Variants in TRAF2 observed in about 807,000 individuals in gnomAD.
TRAF2 encodes TNF receptor associated factor 2.
TRAF2 carries 6 observed loss-of-function variants against 55.6 expected under a neutral mutation model. That is an observed-to-expected ratio of 0.11 (90% CI 0.06 to 0.21). TRAF2 has a LOEUF of 0.21. TRAF2 is among the 10% of genes least tolerant of loss of function. The probability of loss-of-function intolerance (pLI) is 1.00; values close to 1 mark genes in which losing one functional copy is unlikely to be tolerated. For synonymous variants in TRAF2, 329 were observed against 276.3 expected, an observed-to-expected ratio of 1.19 and a Z score of -1.89; for missense variants, 561 against 684.5, an observed-to-expected ratio of 0.82 and a Z score of 2.01.
intron 6 of TRAF2, among the ~76,000 whole-genome samples, chr9:136,912,791 C>T (rs558072673): frequency 2.0e-5 from 3 of 152,126 alleles, no homozygotes; most frequent in East Asian, 1.9e-4. Flanking sequence ...GAGCTGAGAT[C>T]GCACCACTGC....
Position 136,898,748 on chromosome 9 carries a change from C to T in TRAF2, c.8C>T (p.Ala3Val), listed in dbSNP as rs369489108. ...GCGGGGGTCACAGCTCTCATGGCTG[C>T]AGCTAGCGTGACCCCCCCTGGCTCC... is the stretch of plus-strand genomic sequence containing the variant. MA[A>V]ASVTPPGSLE... The change falls in exon 2 of 11, where the codon GCA (alanine) becomes GTA (valine). Residue 3 changes from alanine to valine, a missense_variant. Transcript: ENST00000247668. 75 of 1,613,264 alleles carry T rather than the reference C, an allele frequency of 4.6e-5. No homozygotes were observed. Among genetic ancestry groups the T allele is most frequent in the Admixed American group, 8.3e-5 (5 of 59,998 alleles).
At chr9:136,895,845 T>A (rs1849667850) in intron 1 of TRAF2, among the ~76,000 whole-genome samples, 1 of 77,194 alleles carries the variant, frequency 1.3e-5, no homozygotes, top group Admixed American at 1.1e-4. Context: ...AAGACTCTGT[T>A]TAAGGAAAAA....
chr9:136,895,599 A>T (rs1388273060), intron 1 of TRAF2, among the ~76,000 whole-genome samples: 1 of 152,190 alleles, frequency 6.6e-6, no homozygotes, highest in Non-Finnish European at 1.5e-5. Context: ...TCCTACCTGG[A>T]ATCCCAGCAC....
intron 6 of TRAF2, chr9:136,910,195 C>T (rs933859130): frequency 3.3e-6 from 2 of 614,804 alleles, no homozygotes; most frequent in Admixed American, 5.4e-5. Context: ...GTGGCTGAGT[C>T]CCGAGCCCTC....
At chr9:136,900,626 G>T in intron 4 of TRAF2, 106 bp downstream of exon 4, 1 of 879,870 alleles carries the variant, frequency 1.1e-6, no homozygotes. Flanking sequence ...TCTCACTGGG[G>T]CTGAAGCCTG....
At chr9:136,921,948 A>G (rs912094575) in intron 9 of TRAF2, among the ~76,000 whole-genome samples, 2 of 152,234 alleles carry the variant, frequency 1.3e-5, no homozygotes, top group South Asian at 2.1e-4. Context: ...CTTTGTTGCC[A>G]TGGCTCAGAA....
intron 10 of TRAF2, among the ~76,000 whole-genome samples, chr9:136,924,405 T>C (rs1201440300): frequency 6.9e-6 from 1 of 144,780 alleles, no homozygotes; most frequent in Non-Finnish European, 1.5e-5. Context: ...ACAAAAAAAA[T>C]AGAAAAATTA....
At chr9:136,897,343 G>A (rs1333171043) in intron 1 of TRAF2, among the ~76,000 whole-genome samples, 2 of 152,260 alleles carry the variant, frequency 1.3e-5, no homozygotes, top group South Asian at 2.1e-4. Context: ...CGCTGAGGCC[G>A]TCTGTGGCTG....
rs761646061 is a variant in TRAF2 at position 136,920,230 on chromosome 9, G to T, written c.679-4G>T. ...CCAGCAGCCTCCCTGCCCTGTGTCCGCAGGTAGAGGGTGAGAAACAGCAGG... is the reference window on the plus strand; with the variant it reads ...CCAGCAGCCTCCCTGCCCTGTGTCCTCAGGTAGAGGGTGAGAAACAGCAGG... On this transcript the variant is annotated splice_region_variant and splice_polypyrimidine_tract_variant and intron_variant, in intron 7 of 10. Coordinates refer to ENST00000247668, the MANE Select transcript of TRAF2 (RefSeq NM_021138.4). 4 of 1,602,230 alleles carry T rather than the reference G, an allele frequency of 2.5e-6. No homozygotes were observed. Among genetic ancestry groups the T allele is most frequent in the Non-Finnish European group, 2.6e-6 (3 of 1,173,428 alleles).
intron 1 of TRAF2, among the ~76,000 whole-genome samples, chr9:136,891,247 T>C (rs1849574809): frequency 6.6e-6 from 1 of 152,140 alleles, no homozygotes; most frequent in Non-Finnish European, 1.5e-5. Context: ...TAGCTGGGCT[T>C]ACAGGCTTGC....
At chr9:136,886,563 G>A in intron 1 of TRAF2, 22 bp downstream of exon 1, 2 of 984,058 alleles carry the variant, frequency 2.0e-6, no homozygotes, top group Non-Finnish European at 2.4e-6. Flanking sequence ...GCGGGGTCGG[G>A]TGCGGGGTCG....
chr9:136,909,162 C>T (rs547143815), intron 5 of TRAF2, among the ~76,000 whole-genome samples: 15 of 151,422 alleles, frequency 9.9e-5, no homozygotes, highest in African/African-American at 3.2e-4. Flanking sequence ...CGTCCGTCCT[C>T]GCCAGGCCTG....
chr9:136,913,295 ATTTTTTTTT>A (rs369765173), intron 6 of TRAF2, among the ~76,000 whole-genome samples: 13 of 87,092 alleles, frequency 1.5e-4, no homozygotes, highest in South Asian at 1.4e-3. Context: ...TTATAAAGGA[ATTTTTTTTT>A]TTTTTTTTTT....
At chr9:136,912,278 C>T (rs1042861220) in intron 6 of TRAF2, among the ~76,000 whole-genome samples, 2 of 150,958 alleles carry the variant, frequency 1.3e-5, no homozygotes, top group African/African-American at 4.9e-5. Context: ...TTCTCTGCCT[C>T]AGCCTCCTGA....
chr9:136,904,970 G>A (rs1207375237), intron 4 of TRAF2, among the ~76,000 whole-genome samples: 1 of 152,228 alleles, frequency 6.6e-6, no homozygotes, highest in Non-Finnish European at 1.5e-5. Flanking sequence ...CTGGGCCCAT[G>A]TTCCCTGGGG....
chr9:136,912,258 G>C (rs1014709025), intron 6 of TRAF2, among the ~76,000 whole-genome samples: 5 of 146,154 alleles, frequency 3.4e-5, no homozygotes, highest in Non-Finnish European at 7.4e-5. Flanking sequence ...TGCCTCCTGG[G>C]TTCAAGCAGT....
Position 136,909,806 on chromosome 9 carries a change from G to A in TRAF2, c.529-114G>A, listed in dbSNP as rs1850057363. Reference sequence around the variant, plus strand: ...GCACTGTCCTTCGAGGCTGGAGGGTGACCACGTGCTCCTGCGGCCCCTCGG... The same window carrying A: ...GCACTGTCCTTCGAGGCTGGAGGGTAACCACGTGCTCCTGCGGCCCCTCGG... On this transcript the variant is annotated intron_variant, in intron 5 of 10. Transcript: ENST00000247668. 6 of 1,032,380 alleles carry A rather than the reference G, an allele frequency of 5.8e-6. No homozygotes were observed. In the Admixed American group the frequency reaches 9.9e-5, roughly 17 times the overall value. 64.0% of individuals were successfully genotyped at this position (1,032,380 alleles called of 1,614,324 possible).
Position 136,909,906 on chromosome 9 carries a change from C to T in TRAF2, c.529-14C>T, listed in dbSNP as rs950200035. 5.0e-6 allele frequency: 8 copies of T among 1,614,070 alleles called. No homozygotes were observed. The highest frequency in any genetic ancestry group is 2.2e-5 in the East Asian group (1 of 44,888). On this transcript the variant is annotated splice_polypyrimidine_tract_variant and intron_variant, in intron 5 of 10. Transcript: ENST00000247668. ...TGGCGTCCACCCTCACACTCCTGAT[C>T]CCTTCTTTTGAAGGCGCACCACGAG...
intron 6 of TRAF2, among the ~76,000 whole-genome samples, chr9:136,915,192 T>A (rs1030024044): frequency 1.1e-4 from 17 of 152,168 alleles, no homozygotes; most frequent in African/African-American, 4.1e-4. Flanking sequence ...AAAAAAGTTT[T>A]GTAATTTTGT....
Sources: allele counts gnomAD v4.1 joint callset (sites outside exome capture counted in the v4.1 genomes callset), GRCh38; gene constraint gnomAD v4.1.1; transcripts MANE v1.5; gene names NCBI Gene and HGNC (gene_info 2026-07-23, HGNC 2026-07-21).